Variants in PRSS57 observed in about 807,000 individuals in gnomAD.
PRSS57 encodes serine protease 57.
In PRSS57, 19 loss-of-function variants were observed where a neutral mutation model predicts 20.6. That is an observed-to-expected ratio of 0.92 (90% CI 0.64 to 1.35). The LOEUF (loss-of-function observed/expected upper bound fraction) is 1.35, where lower values mean the gene tolerates loss of function less well. PRSS57 is among the 40% of genes most tolerant of loss of function. PRSS57 has a pLI of 0.00. For missense variants in PRSS57, 440 were observed against 403.7 expected, an observed-to-expected ratio of 1.09 and a Z score of -0.77; for synonymous variants, 203 against 176.6, an observed-to-expected ratio of 1.15 and a Z score of -1.19.
At chr19:691,504 C>CAAAAA (rs372342945) in intron 3 of PRSS57, among the ~76,000 whole-genome samples, 5 of 86,856 alleles carry the variant, frequency 5.8e-5, no homozygotes, top group Non-Finnish European at 9.3e-5. Flanking sequence ...GACTCTGACT[C>CAAAAA]AAAAAAAAAA....
chr19:691,040 C>T lies in PRSS57; in HGVS notation c.378+818G>A. The T allele has an allele frequency of 2.1e-5, 7 of 334,322 alleles. No individual in the cohort carries two copies. The South Asian group carries it at 2.3e-4, about 11-fold the overall frequency. The allele number at this position is 334,322 out of a possible 1,614,324, so 20.7% of individuals were successfully genotyped here. A position where few individuals can be genotyped will look rare whatever the true frequency, so the allele number is the denominator to read the frequency against. ...GCCAAGGCCGCCTCTGATATCCTCT[C>T]TAAGACCTACAGCTGCCTGACCCCT... is the stretch of plus-strand genomic sequence containing the variant. On this transcript the variant is annotated intron_variant, in intron 3 of 4. Coordinates refer to ENST00000329267, the MANE Select transcript of PRSS57 (RefSeq NM_001308209.2).
At position 694,923 on chromosome 19, in the gene PRSS57, G is replaced by C. The variant is rs762466495; in HGVS notation, c.124C>G (p.His42Asp). ...QIIGGHEVTP[H>D]SRPYMASVRF... The stretch of plus-strand genomic sequence containing the variant: ...ACGGATGCCATGTAGGGCCTGGAGT[G>C]GGGGGTCACCTCGTGGCCCCCGATG... Residue 42 changes from histidine (H) to aspartate (D), a missense_variant, in exon 2 of 5, where the codon CAC becomes GAC. By Grantham distance (81) the His-to-Asp change is moderately conservative. Coordinates refer to ENST00000329267, the MANE Select transcript of PRSS57 (RefSeq NM_001308209.2). 4.4e-6 allele frequency: 7 copies of C among 1,588,690 alleles called. No individual in the cohort carries two copies. The East Asian group carries it at 1.1e-4, about 26-fold the overall frequency.
Position 686,916 on chromosome 19 carries a change from G to A in PRSS57, c.642+9C>T, listed in dbSNP as rs2031488847. 6 of 1,611,222 alleles carry A rather than the reference G, an allele frequency of 3.7e-6. No homozygotes were observed. The highest frequency in any genetic ancestry group is 5.1e-6 in the Non-Finnish European group (6 of 1,178,208). On this transcript the variant is annotated intron_variant, in intron 4 of 4. Coordinates refer to ENST00000329267, the MANE Select transcript of PRSS57 (RefSeq NM_001308209.2). ...ACAGTAAGTGGGTGGAGCAGGGAGG[G>A]GATCTTACCGAGCAGAAGCCCCGTC...
intron 3 of PRSS57, chr19:691,037 T>A (rs1029512381): frequency 8.9e-6 from 3 of 335,324 alleles, no homozygotes; most frequent in Non-Finnish European, 1.7e-5. Context: ...TCTGATATCC[T>A]CTCTAAGACC....
chr19:688,602 C>CTTT (rs11451021), intron 3 of PRSS57, among the ~76,000 whole-genome samples: 2,211 of 110,158 alleles, frequency 0.02, 191 homozygotes, highest in African/African-American at 0.079. Flanking sequence ...CACCCAGGGA[C>CTTT]TTTTTTTTTT....
intron 3 of PRSS57, chr19:690,686 T>C (rs1179156022): frequency 1.7e-5 from 5 of 297,844 alleles, no homozygotes; most frequent in Non-Finnish European, 3.3e-5. Context: ...GTTCGAGGCG[T>C]CTGTTCCCAC....
intron 3 of PRSS57, chr19:690,592 C>T: frequency 7.9e-6 from 2 of 253,096 alleles, no homozygotes; most frequent in Middle Eastern, 1.3e-3. Flanking sequence ...AGATCATTGA[C>T]CTTTTCCTGA....
chr19:690,482 G>C (rs979346683), intron 3 of PRSS57: 1 of 208,502 alleles, frequency 4.8e-6, no homozygotes, highest in Admixed American at 5.4e-5. Flanking sequence ...AGAGGATAAG[G>C]AGTAGACGCC....
chr19:692,852 C>G (rs1331205790), intron 2 of PRSS57, among the ~76,000 whole-genome samples: 1 of 151,800 alleles, frequency 6.6e-6, no homozygotes, highest in Non-Finnish European at 1.5e-5. Flanking sequence ...GAAGATAATA[C>G]TTATTATATT....
rs758644079 is a variant in PRSS57 at position 695,120 on chromosome 19, AG to A, written c.80-154del. 96 of 773,400 alleles carry A rather than the reference AG, an allele frequency of 1.2e-4. 1 individual carries two copies. The East Asian group carries it at 3.1e-3, about 25-fold the overall frequency. 47.9% of individuals were successfully genotyped at this position (773,400 alleles called of 1,614,324 possible). On this transcript the variant is annotated intron_variant, in intron 1 of 4. Transcript: ENST00000329267. ...GAGAGCTGGAGACAGAGCCCAGACA[AG>A]CCCCCCAGATGCGCTGGGAGGGGCT...
In PRSS57 at chr19:685,860, G is replaced by T; in HGVS notation, c.705C>A (p.Gly235=). ...NRAHGLVSFS[G]LWCGDPKTPD... ...GGGTCTTGGGGTCGCCGCACCAGAG[G>T]CCCGAGAAGGAAACGAGGCCGTGAG... Residue 235 remains glycine (G), a synonymous_variant, in exon 5 of 5, where the codon GGC becomes GGA. Coordinates refer to ENST00000329267, the MANE Select transcript of PRSS57 (RefSeq NM_001308209.2). 1 of 1,558,416 alleles carries T rather than the reference G, an allele frequency of 6.4e-7. No homozygotes were observed. Among genetic ancestry groups the T allele is most frequent in the Non-Finnish European group, 8.7e-7 (1 of 1,151,708 alleles).
At chr19:695,107 C>T (rs1419117649) in intron 1 of PRSS57, 140 bp from the exon 2 acceptor site, 4 of 860,744 alleles carry the variant, frequency 4.6e-6, no homozygotes, top group Non-Finnish European at 6.5e-6. Flanking sequence ...GAGCTGGAGA[C>T]AGAGCCCAGA....
In PRSS57 at chr19:685,845, GT is replaced by G; in HGVS notation, c.719del (p.Asp240AlafsTer96). The G allele has an allele frequency of 6.4e-7, 1 of 1,561,566 alleles. No individual in the cohort carries two copies. The highest frequency in any genetic ancestry group is 8.7e-7 in the Non-Finnish European group (1 of 1,153,242). On this transcript the variant is annotated frameshift_variant, in exon 5 of 5. Coordinates refer to ENST00000329267, the MANE Select transcript of PRSS57 (RefSeq NM_001308209.2). LOFTEE classifies it low-confidence loss of function (END_TRUNC). The stretch of plus-strand genomic sequence containing the variant: ...GCGTGTACACGTCGGGGGTCTTGGG[GT>G]CGCCGCACCAGAGGCCCGAGAAGGA... Reference protein sequence around the residue: ...LVSFSGLWCGDPKTPDVYTQV... With the variant: ...LVSFSGLWCGXPKTPDVYTQV...
chr19:695,074 G>C, intron 1 of PRSS57, 107 bp from the exon 2 acceptor site: 5 of 1,105,118 alleles, frequency 4.5e-6, no homozygotes, highest in Middle Eastern at 3.1e-4. Context: ...CAGGGGGTGA[G>C]ATTAGAGACG....
chr19:689,063 G>T (rs1351988068), intron 3 of PRSS57, among the ~76,000 whole-genome samples: 1 of 152,168 alleles, frequency 6.6e-6, no homozygotes, highest in African/African-American at 2.4e-5. Flanking sequence ...GAATGAGGAA[G>T]CGGGTGGTCC....
At chr19:687,907 C>T (rs971638817) in intron 3 of PRSS57, among the ~76,000 whole-genome samples, 5 of 152,220 alleles carry the variant, frequency 3.3e-5, no homozygotes, top group Admixed American at 6.5e-5. Context: ...AGACCCCCAG[C>T]CTGAAACACT....
Position 685,802 on chromosome 19 carries a change from C to T in PRSS57, c.763G>A (p.Ala255Thr), listed in dbSNP as rs767993435. Residue 255 changes from alanine (A) to threonine (T), a missense_variant, in exon 5 of 5, where the codon GCC (alanine) becomes ACC (threonine). Transcript: ENST00000329267. ...DVYTQVSAFV[A>T]WIWDVVRRSS... Reference sequence around the variant, plus strand: ...CGCCGAACCACGTCCCAGATCCAGGCCACAAAGGCGGACACCTGCGTGTAC... The same window carrying T: ...CGCCGAACCACGTCCCAGATCCAGGTCACAAAGGCGGACACCTGCGTGTAC... The T allele has an allele frequency of 3.2e-6, 5 of 1,566,824 alleles. No homozygotes were observed. The highest frequency in any genetic ancestry group is 2.3e-5 in the South Asian group (2 of 85,302).
Position 685,769 on chromosome 19 carries a change from G to A in PRSS57, c.796C>T (p.Pro266Ser). ...GTCCCAGGCAGGGGGCCGGGCTGGGGACTGCTCCGCCGAACCACGTCCCAG... is the reference window on the plus strand; with the variant it reads ...GTCCCAGGCAGGGGGCCGGGCTGGGAACTGCTCCGCCGAACCACGTCCCAG... ...WIWDVVRRSSPQPGPLPGTTR... is the reference protein window; with the variant it reads ...WIWDVVRRSSSQPGPLPGTTR... Residue 266 changes from proline to serine, a missense_variant, in exon 5 of 5, where the codon CCC (proline) becomes TCC (serine). By Grantham distance (74) the Pro-to-Ser change is moderately conservative. Coordinates refer to ENST00000329267, the MANE Select transcript of PRSS57 (RefSeq NM_001308209.2). 6.4e-7 allele frequency: 1 copy of A among 1,566,104 alleles called. No homozygotes were observed. Among genetic ancestry groups the A allele is most frequent in the Non-Finnish European group, 8.7e-7 (1 of 1,153,980 alleles).
At chr19:687,369 AG>A (rs1397592718) in intron 3 of PRSS57, among the ~76,000 whole-genome samples, 181 bp from the exon 4 acceptor site, 1 of 152,174 alleles carries the variant, frequency 6.6e-6, no homozygotes, top group Admixed American at 6.5e-5. Context: ...TCAGGCCTCC[AG>A]GGTCACCGTC....
Sources: allele counts gnomAD v4.1 joint callset (sites outside exome capture counted in the v4.1 genomes callset), GRCh38; gene constraint gnomAD v4.1.1; transcripts MANE v1.5; gene names NCBI Gene and HGNC (gene_info 2026-07-23, HGNC 2026-07-21).